Variants in SH3RF1 observed in about 807,000 individuals in gnomAD.
SH3RF1 encodes the protein SH3 domain containing ring finger 1, also known as E3 ubiquitin-protein ligase SH3RF1.
SH3RF1 carries 32 observed loss-of-function variants against 74.0 expected under a neutral mutation model. The ratio of observed to expected loss-of-function variants is 0.43; its 90% CI spans 0.33 to 0.58. SH3RF1 has a LOEUF of 0.58. Among genes scored for constraint, SH3RF1 ranks in the 20% least tolerant of loss-of-function variants. The probability of loss-of-function intolerance (pLI) is 0.05; values close to 1 mark genes in which losing one functional copy is unlikely to be tolerated. For synonymous variants in SH3RF1, 396 were observed against 439.6 expected (o/e 0.90, Z 1.24); for missense variants, 954 against 1,130.9 (o/e 0.84, Z 2.24).
intron 2 of SH3RF1, among the ~76,000 whole-genome samples, chr4:169,238,048 T>C (rs1730848259): frequency 6.6e-6 from 1 of 152,126 alleles, no homozygotes; most frequent in African/African-American, 2.4e-5. Flanking sequence ...TAGTGAATTT[T>C]CCTCTCCCCT....
rs190840174 is a variant in SH3RF1, at chr4:169,130,209, A to G, written c.1069-53T>C. On this transcript the variant is annotated intron_variant, in intron 5 of 11. Coordinates refer to ENST00000284637, the MANE Select transcript of SH3RF1 (RefSeq NM_020870.4). ...AGAAGACTATGTTTAATACAACAGA[A>G]TATACTGGCTAAACCTTAGAAAGGC... The G allele has an allele frequency of 3.2e-3, 3,909 of 1,236,298 alleles. 9 individuals carry two copies. Among genetic ancestry groups the G allele is most frequent in the Non-Finnish European group, 3.8e-3 (3,498 of 915,792 alleles). 76.6% of individuals were successfully genotyped at this position (1,236,298 alleles called of 1,614,324 possible). A position where few individuals can be genotyped will look rare whatever the true frequency, so the allele number is the denominator to read the frequency against.
chr4:169,144,425 T>C (rs1454621354), intron 4 of SH3RF1, among the ~76,000 whole-genome samples: 1 of 152,220 alleles, frequency 6.6e-6, no homozygotes, highest in Non-Finnish European at 1.5e-5. Flanking sequence ...TCCTCAGGTA[T>C]TCAGTGACCA....
chr4:169,221,484 A>G (rs1730563655), intron 2 of SH3RF1, among the ~76,000 whole-genome samples: 1 of 152,214 alleles, frequency 6.6e-6, no homozygotes, highest in Non-Finnish European at 1.5e-5. Context: ...ATAGTGTATA[A>G]CATAAGATAT....
intron 2 of SH3RF1, among the ~76,000 whole-genome samples, chr4:169,257,419 G>A (rs1731207841): frequency 1.3e-5 from 2 of 152,182 alleles, no homozygotes; most frequent in African/African-American, 4.8e-5. Context: ...TGTTGACTCT[G>A]CAAAATTATC....
chr4:169,152,060 T>A (rs932481471), intron 4 of SH3RF1, among the ~76,000 whole-genome samples: 5 of 152,234 alleles, frequency 3.3e-5, no homozygotes, highest in Non-Finnish European at 7.3e-5. Context: ...TCTGTTTTTT[T>A]AAAACTGTAT....
At chr4:169,152,053 G>GT (rs926636866) in intron 4 of SH3RF1, among the ~76,000 whole-genome samples, 1 of 152,146 alleles carries the variant, frequency 6.6e-6, no homozygotes. Context: ...TTAAAAATCT[G>GT]TTTTTTTAAA....
rs1386434637 is a variant in SH3RF1 at position 169,117,510 on chromosome 4, G to T, written c.1777+13C>A. On this transcript the variant is annotated intron_variant, in intron 9 of 11. Coordinates refer to ENST00000284637, the MANE Select transcript of SH3RF1 (RefSeq NM_020870.4). ...CTTTATCCTGATATGTTCTGGCCTG[G>T]GTTCCTCCTTACCTGTCCTCACAGC... 6.2e-7 allele frequency: 1 copy of T among 1,612,960 alleles called. No homozygotes were observed. The highest frequency in any genetic ancestry group is 8.5e-7 in the Non-Finnish European group (1 of 1,178,944).
chr4:169,260,753 C>T (rs57152705), intron 2 of SH3RF1, among the ~76,000 whole-genome samples: 18,258 of 152,032 alleles, frequency 0.12, 1,155 homozygotes, highest in Middle Eastern at 0.18. Flanking sequence ...GAAACTGGGA[C>T]GGGTGGGGGA....
intron 2 of SH3RF1, among the ~76,000 whole-genome samples, chr4:169,173,285 TAAGATA>T (rs755936759): frequency 1.4e-3 from 209 of 152,252 alleles, no homozygotes; most frequent in Non-Finnish European, 2.2e-3. Flanking sequence ...CATTCCTGAT[TAAGATA>T]TTCAGTTGCA....
rs1402819730 is a variant in SH3RF1 at position 169,095,282 on chromosome 4, G to C, written c.*1237C>G. The C allele has an allele frequency of 6.6e-6, 1 of 152,634 alleles. No homozygotes were observed. Among genetic ancestry groups the C allele is most frequent in the Non-Finnish European group, 1.5e-5 (1 of 68,048 alleles). 9.5% of individuals were successfully genotyped at this position (152,634 alleles called of 1,614,324 possible). On this transcript the variant is annotated 3_prime_UTR_variant, in exon 12 of 12. Transcript: ENST00000284637. The stretch of plus-strand genomic sequence containing the variant: ...TGTGTAGTGGCTAATGCATGCCTTA[G>C]CCAGAGAGGGAGCGAGTGCACTGAA...
Position 169,117,533 on chromosome 4 carries a change from A to G in SH3RF1, c.1767T>C (p.Ala589=), listed in dbSNP as rs1419497314. Residue 589 remains alanine (A), a synonymous_variant, in exon 9 of 12, where the codon GCT becomes GCC. Transcript: ENST00000284637. ...GQMTVNQARN[A]VRTVAAHNQE... is the part of the protein sequence containing the mutation. ...TGGGTTCCTCCTTACCTGTCCTCAC[A>G]GCATTGCGGGCCTGGTTGACTGTCA... The G allele has an allele frequency of 1.9e-6, 3 of 1,614,096 alleles. No individual in the cohort carries two copies. Among genetic ancestry groups the G allele is most frequent in the Non-Finnish European group, 2.5e-6 (3 of 1,180,044 alleles).
intron 2 of SH3RF1, among the ~76,000 whole-genome samples, chr4:169,230,409 G>A (rs1730717312): frequency 6.6e-6 from 1 of 151,972 alleles, no homozygotes; most frequent in Admixed American, 6.5e-5. Context: ...CCTTCATACA[G>A]AGTAATAAAT....
At chr4:169,126,482 T>C (rs945321469) in intron 6 of SH3RF1, among the ~76,000 whole-genome samples, 2 of 152,238 alleles carry the variant, frequency 1.3e-5, no homozygotes, top group Non-Finnish European at 2.9e-5. Flanking sequence ...AACAGTAAGT[T>C]CTGCTTAGCC....
chr4:169,240,273 T>C (rs1459477772), intron 2 of SH3RF1, among the ~76,000 whole-genome samples: 1 of 152,046 alleles, frequency 6.6e-6, no homozygotes, highest in African/African-American at 2.4e-5. Flanking sequence ...CTCAGCTCAC[T>C]GAGCCTCAAC....
intron 2 of SH3RF1, among the ~76,000 whole-genome samples, chr4:169,175,227 G>C (rs1392365799): frequency 6.6e-6 from 1 of 152,180 alleles, no homozygotes; most frequent in Admixed American, 6.5e-5. Flanking sequence ...GCCCAAGCCA[G>C]ATCAACACCA....
intron 4 of SH3RF1, among the ~76,000 whole-genome samples, chr4:169,137,396 C>A (rs1423927722): frequency 6.6e-6 from 1 of 152,084 alleles, no homozygotes; most frequent in Non-Finnish European, 1.5e-5. Context: ...AAGGAAAGAA[C>A]ACAAGCCTTT....
At chr4:169,225,864 C>T (rs2706727) in intron 2 of SH3RF1, among the ~76,000 whole-genome samples, 71,326 of 151,806 alleles carry the variant, frequency 0.47, 18,048 homozygotes, top group East Asian at 0.78. Context: ...GACCCACCAA[C>T]GACAAGAAAA....
chr4:169,197,904 T>C (rs1182171262), intron 2 of SH3RF1, among the ~76,000 whole-genome samples: 2 of 152,088 alleles, frequency 1.3e-5, no homozygotes, highest in African/African-American at 4.8e-5. Context: ...CAAGATAAAA[T>C]ACACAAAGTT....
intron 4 of SH3RF1, among the ~76,000 whole-genome samples, chr4:169,145,420 G>T (rs1733858487): frequency 6.6e-6 from 1 of 152,032 alleles, no homozygotes; most frequent in African/African-American, 2.4e-5. Flanking sequence ...GTGGGAAGAT[G>T]AGAGGCAGGT....
Sources: gnomAD v4.1 joint callset for allele counts (sites outside exome capture counted in the v4.1 genomes callset) on GRCh38, gnomAD v4.1.1 for gene constraint, MANE v1.5 for transcripts, NCBI Gene and HGNC (gene_info 2026-07-23, HGNC 2026-07-21) for gene names.